The following RGS6 variants were observed in gnomAD, a reference collection of about 807,000 sequenced individuals.
RGS6 encodes the protein regulator of G-protein signaling 6.
In RGS6, 30 loss-of-function variants were observed where a neutral mutation model predicts 78.5. The observed-to-expected ratio is 0.38, with a 90% CI of 0.29 to 0.52. The LOEUF (loss-of-function observed/expected upper bound fraction) is 0.52, where lower values mean the gene tolerates loss of function less well. Ranked by LOEUF, RGS6 falls within the 20% of genes least tolerant of loss-of-function variation. RGS6 has a pLI of 0.85. For synonymous variants in RGS6, 206 were observed against 206.0 expected (o/e 1.00, Z 0.00); for missense variants, 495 against 609.7 (o/e 0.81, Z 1.98).
intron 12 of RGS6, among the ~76,000 whole-genome samples, chr14:72,487,388 A>G (rs1011277612): frequency 1.3e-5 from 2 of 152,258 alleles, no homozygotes; most frequent in African/African-American, 2.4e-5. Context: ...ATGATCTCTC[A>G]AAGATGTCCA....
chr14:72,531,282 AATC>A (rs2097179353), intron 15 of RGS6, among the ~76,000 whole-genome samples: 1 of 152,012 alleles, frequency 6.6e-6, no homozygotes, highest in Non-Finnish European at 1.5e-5. Context: ...AAAATAAAAA[AATC>A]AGCTGGGTGT....
intron 17 of RGS6, among the ~76,000 whole-genome samples, chr14:72,559,255 G>A (rs903999015): frequency 6.6e-6 from 1 of 152,202 alleles, no homozygotes. Flanking sequence ...CATGCACTTT[G>A]GGGCAGCTCA....
chr14:71,969,251 C>G (rs2093678899), intron 2 of RGS6, among the ~76,000 whole-genome samples: 1 of 152,114 alleles, frequency 6.6e-6, no homozygotes, highest in East Asian at 1.9e-4. Flanking sequence ...ATTTTTAATG[C>G]TAAAGTTTCA....
intron 2 of RGS6, among the ~76,000 whole-genome samples, chr14:72,311,903 C>T (rs187486814): frequency 6.6e-6 from 1 of 152,336 alleles, no homozygotes; most frequent in Admixed American, 6.5e-5. Flanking sequence ...GCTCCCAGTT[C>T]TCTTGCTAAA....
chr14:71,939,361 G>C (rs2090115052), intron 1 of RGS6, among the ~76,000 whole-genome samples: 1 of 152,196 alleles, frequency 6.6e-6, no homozygotes, highest in Non-Finnish European at 1.5e-5. Flanking sequence ...TCACCAGTAA[G>C]TCCAGTGTGT....
At chr14:72,254,308 G>C (rs894887753) in intron 2 of RGS6, among the ~76,000 whole-genome samples, 49 of 152,292 alleles carry the variant, frequency 3.2e-4, no homozygotes, top group African/African-American at 1.1e-3. Flanking sequence ...TTGGACTCTT[G>C]CTTGATGATG....
intron 2 of RGS6, among the ~76,000 whole-genome samples, chr14:72,318,939 C>T (rs966699019): frequency 3.3e-5 from 5 of 152,266 alleles, no homozygotes; most frequent in Non-Finnish European, 7.4e-5. Flanking sequence ...GCACACAACC[C>T]TTTGTAATAA....
chr14:72,324,072 A>ATTACAAAT (rs1290334787), intron 2 of RGS6, among the ~76,000 whole-genome samples: 1 of 152,064 alleles, frequency 6.6e-6, no homozygotes, highest in Non-Finnish European at 1.5e-5. Context: ...TTATTCTAAA[A>ATTACAAAT]TGTATTACAA....
chr14:72,556,725 C>A (rs2097583028), intron 17 of RGS6, among the ~76,000 whole-genome samples: 1 of 152,006 alleles, frequency 6.6e-6, no homozygotes, highest in African/African-American at 2.4e-5. Flanking sequence ...AAAAAAAATC[C>A]ATTACGTTTA....
Position 72,354,024 on chromosome 14 carries a change from A to C in RGS6, c.184+1830A>C, listed in dbSNP as rs1343041808. ...AACAACAGAATTCATGGAACAGCAC[A>C]CACACACACGCACACACAGGGTCAA... On this transcript the variant is annotated intron_variant, in intron 3 of 17. Transcript: ENST00000553525. Among the ~76,000 whole-genome samples the C allele has an allele frequency of 1.1e-3, 161 of 151,980 alleles. 1 individual carries two copies. Among genetic ancestry groups the C allele is most frequent in the Non-Finnish European group, 2.9e-5 (2 of 67,992 alleles).
intron 3 of RGS6, among the ~76,000 whole-genome samples, chr14:72,386,421 C>T (rs112860404): frequency 0.025 from 3,846 of 152,198 alleles, 75 homozygotes; most frequent in Non-Finnish European, 0.04. Flanking sequence ...GCTTGTAGTC[C>T]CAGTTACTCA....
At chr14:72,021,997 C>G (rs749306597) in intron 2 of RGS6, among the ~76,000 whole-genome samples, 2 of 152,058 alleles carry the variant, frequency 1.3e-5, no homozygotes, top group East Asian at 1.9e-4. Flanking sequence ...TATCATTTAG[C>G]TCCCACTTAT....
chr14:71,966,548 C>T (rs2093527631), intron 2 of RGS6, among the ~76,000 whole-genome samples: 1 of 152,098 alleles, frequency 6.6e-6, no homozygotes, highest in Non-Finnish European at 1.5e-5. Context: ...TGGAGTGAGA[C>T]TTAGGTTAAA....
At chr14:71,978,872 C>G (rs150295242) in intron 2 of RGS6, among the ~76,000 whole-genome samples, 63,008 of 141,666 alleles carry the variant, frequency 0.44, 14,480 homozygotes, top group East Asian at 0.51. Context: ...GGTAGAATTC[C>G]GCTGTGAATC....
intron 3 of RGS6, among the ~76,000 whole-genome samples, chr14:72,413,111 C>T (rs1236165544): frequency 1.3e-5 from 2 of 152,150 alleles, no homozygotes; most frequent in East Asian, 1.9e-4. Context: ...GAGTTCAATT[C>T]CTGGATATCC....
At chr14:71,937,257 T>C (rs1260731336) in intron 1 of RGS6, among the ~76,000 whole-genome samples, 1 of 152,192 alleles carries the variant, frequency 6.6e-6, no homozygotes, top group Non-Finnish European at 1.5e-5. Flanking sequence ...GGAATCGTTG[T>C]GTTTCCTGGT....
At chr14:72,508,592 T>C (rs1042626391) in intron 13 of RGS6, among the ~76,000 whole-genome samples, 9 of 114,214 alleles carry the variant, frequency 7.9e-5, no homozygotes, top group African/African-American at 3.0e-4. Flanking sequence ...TTTTTTTTTT[T>C]TACTAAGTGG....
At chr14:72,202,690 T>C (rs2041832173) in intron 2 of RGS6, among the ~76,000 whole-genome samples, 1 of 152,002 alleles carries the variant, frequency 6.6e-6, no homozygotes, top group African/African-American at 2.4e-5. Context: ...CTGGAAAGGC[T>C]GTTTCTCTAC....
the RGS6 span, among the ~76,000 whole-genome samples, chr14:71,889,255 G>C: frequency 6.6e-6 from 1 of 152,018 alleles, no homozygotes; most frequent in South Asian, 2.1e-4. Context: ...TCTGGGTTGG[G>C]GGCAAGGCAC....
Sources: allele counts gnomAD v4.1 joint callset (sites outside exome capture counted in the v4.1 genomes callset), GRCh38; gene constraint gnomAD v4.1.1; transcripts MANE v1.5; gene names NCBI Gene and HGNC (gene_info 2026-07-23, HGNC 2026-07-21).